The following ABHD18 variants were observed in gnomAD, a reference collection of about 807,000 sequenced individuals.
ABHD18 encodes the protein abhydrolase domain containing 18.
In ABHD18, 55 loss-of-function variants were observed where a neutral mutation model predicts 65.9. The ratio of observed to expected loss-of-function variants is 0.84; its 90% CI spans 0.67 to 1.05. The LOEUF (loss-of-function observed/expected upper bound fraction) is 1.05, where lower values mean the gene tolerates loss of function less well. ABHD18 is among the 50% of genes least tolerant of loss of function. ABHD18 has a pLI of 0.00. For missense variants in ABHD18, 533 were observed against 558.5 expected, an observed-to-expected ratio of 0.95 and a Z score of 0.46; for synonymous variants, 181 against 180.2, an observed-to-expected ratio of 1.00 and a Z score of -0.04.
At chr4:127,995,424 A>G (rs1264884417) in intron 4 of ABHD18, among the ~76,000 whole-genome samples, 1 of 152,218 alleles carries the variant, frequency 6.6e-6, no homozygotes, top group Non-Finnish European at 1.5e-5. Flanking sequence ...TTCTGATTTC[A>G]TGCTTACTAC....
At chr4:128,015,365 C>T (rs1044690289) in intron 7 of ABHD18, among the ~76,000 whole-genome samples, 2 of 152,066 alleles carry the variant, frequency 1.3e-5, no homozygotes, top group African/African-American at 4.8e-5. Context: ...AATTTGAGAC[C>T]GAGTCTACTA....
At chr4:128,028,328 G>T in intron 10 of ABHD18, 147 bp from the exon 11 acceptor site, 2 of 591,774 alleles carry the variant, frequency 3.4e-6, no homozygotes, top group Admixed American at 3.8e-5. Context: ...TTTTAAGACT[G>T]CATAATGTTT....
chr4:127,971,482 C>CTTTTTTTTTTTTTTTTTTTTTT (rs1156788634), intron 1 of ABHD18, among the ~76,000 whole-genome samples: 1 of 51,908 alleles, frequency 1.9e-5, no homozygotes, highest in African/African-American at 7.5e-5. Context: ...CCAGAGTTGG[C>CTTTTTTTTTTTTTTTTTTTTTT]TTTTTTTTTT....
At chr4:128,023,282 G>A (rs937070332) in intron 10 of ABHD18, among the ~76,000 whole-genome samples, 3 of 151,302 alleles carry the variant, frequency 2.0e-5, no homozygotes, top group African/African-American at 7.3e-5. Flanking sequence ...TAGCTTTATC[G>A]GGACCAGGCG....
chr4:128,004,787 T>C (rs1369076295), intron 4 of ABHD18, among the ~76,000 whole-genome samples: 3 of 151,682 alleles, frequency 2.0e-5, no homozygotes, highest in East Asian at 3.9e-4. Context: ...GGTGTGTGCC[T>C]GTAATCCCAG....
chr4:128,017,912 C>G (rs1248509470), intron 8 of ABHD18, among the ~76,000 whole-genome samples: 1 of 152,118 alleles, frequency 6.6e-6, no homozygotes, highest in Non-Finnish European at 1.5e-5. Flanking sequence ...TAATTGCTTT[C>G]TCTGTCTCTA....
chr4:128,011,113 A>G (rs1019233569), intron 6 of ABHD18, among the ~76,000 whole-genome samples: 1 of 152,022 alleles, frequency 6.6e-6, no homozygotes. Flanking sequence ...GAAAACATTA[A>G]TAAGTATACT....
At chr4:128,020,305 A>G in intron 9 of ABHD18, 136 bp downstream of exon 9, 1 of 645,836 alleles carries the variant, frequency 1.5e-6, no homozygotes, top group East Asian at 2.8e-5. Flanking sequence ...CGTAATCATG[A>G]TTAAGCCTTA....
At chr4:127,998,205 C>T (rs1378432632) in intron 4 of ABHD18, among the ~76,000 whole-genome samples, 1 of 150,680 alleles carries the variant, frequency 6.6e-6, no homozygotes, top group Non-Finnish European at 1.5e-5. Flanking sequence ...CTTTATCTCA[C>T]TTCCTCTTTT....
chr4:128,005,089 C>T (rs544425205), intron 4 of ABHD18, among the ~76,000 whole-genome samples: 134 of 150,908 alleles, frequency 8.9e-4, no homozygotes, highest in African/African-American at 3.1e-3. Flanking sequence ...ATTAGTTGGG[C>T]ATGGTGGCAC....
At chr4:128,034,867 G>T (rs955434067) in intron 12 of ABHD18, among the ~76,000 whole-genome samples, 7 of 151,996 alleles carry the variant, frequency 4.6e-5, no homozygotes, top group Admixed American at 2.6e-4. Flanking sequence ...GATCAGGCTG[G>T]TCTCAAACTC....
chr4:127,974,575 G>A (rs1486867185), intron 1 of ABHD18, among the ~76,000 whole-genome samples: 1 of 150,974 alleles, frequency 6.6e-6, no homozygotes, highest in African/African-American at 2.4e-5. Flanking sequence ...ATTTCACCAT[G>A]TTGCCCAGGC....
intron 4 of ABHD18, among the ~76,000 whole-genome samples, chr4:128,006,977 C>G (rs1290306816): frequency 6.6e-6 from 1 of 152,124 alleles, no homozygotes; most frequent in East Asian, 1.9e-4. Flanking sequence ...GAAGCTGCAT[C>G]TCTACTTAAA....
intron 3 of ABHD18, among the ~76,000 whole-genome samples, chr4:127,987,434 G>A (rs1750160367): frequency 6.6e-6 from 1 of 152,096 alleles, no homozygotes; most frequent in South Asian, 2.1e-4. Context: ...AGAGGGTTGA[G>A]TGTGGTGGCT....
At chr4:128,034,673 CAG>C (rs1758674057) in intron 12 of ABHD18, among the ~76,000 whole-genome samples, 1 of 149,836 alleles carries the variant, frequency 6.7e-6, no homozygotes, top group African/African-American at 2.5e-5. Context: ...TTTTTTGAAA[CAG>C]AGTTTCGCTC....
intron 11 of ABHD18, among the ~76,000 whole-genome samples, chr4:128,029,599 G>A (rs1268419237): frequency 1.3e-5 from 2 of 152,218 alleles, no homozygotes; most frequent in African/African-American, 2.4e-5. Context: ...CAAGGCGGGT[G>A]GATCACTTGA....
chr4:128,007,568 C>A lies in ABHD18; in HGVS notation c.279-1352C>A, dbSNP rs115081200. ...ACCAGCCTGGGCAACATAGCGAGAC[C>A]CCATGTCTAAAAAAAATGAAAAATT... On this transcript the variant is annotated intron_variant, in intron 4 of 12. Transcript: ENST00000645843. Among the ~76,000 whole-genome samples, 786 of 150,756 alleles carry A rather than the reference C, an allele frequency of 5.2e-3. 8 individuals are homozygous for A. Among genetic ancestry groups the A allele is most frequent in the African/African-American group, 0.018 (757 of 41,190 alleles).
At chr4:128,028,928 A>G in intron 11 of ABHD18, 75 bp downstream of exon 11, 3 of 1,177,778 alleles carry the variant, frequency 2.5e-6, no homozygotes, top group Non-Finnish European at 3.5e-6. Flanking sequence ...AAGATGCTCT[A>G]TAAGATAATT....
In ABHD18 at chr4:127,989,818, C is replaced by A; in HGVS notation, c.275C>A (p.Ala92Glu). Residue 92 changes from alanine (A) to glutamate (E), a missense_variant, in exon 4 of 13, where the codon GCA becomes GAA. Ala to Glu is a moderately radical substitution (Grantham distance 107). Coordinates refer to ENST00000645843, the MANE Select transcript of ABHD18 (RefSeq NM_001358451.3). ...ATCATGCCAATTGAATCTGTTATTG[C>A]AAGGTAAGAATTTTTTTGTTCAAAA... ...PDIMPIESVI[A>E]RFQFIVPKEW... 1.3e-6 allele frequency: 2 copies of A among 1,553,270 alleles called. No individual in the cohort carries two copies. Among genetic ancestry groups the A allele is most frequent in the Admixed American group, 2.0e-5 (1 of 50,450 alleles).
Sources: gnomAD v4.1 joint callset for allele counts (sites outside exome capture counted in the v4.1 genomes callset) on GRCh38, gnomAD v4.1.1 for gene constraint, MANE v1.5 for transcripts, NCBI Gene and HGNC (gene_info 2026-07-23, HGNC 2026-07-21) for gene names.